The following GRAMD4 variants were observed in gnomAD, a reference collection of about 807,000 sequenced individuals.
The protein encoded by GRAMD4 is GRAM domain containing 4, also known as GRAM domain-containing protein 4.
In GRAMD4, 25 loss-of-function variants were observed where a neutral mutation model predicts 83.9. The observed-to-expected ratio is 0.30, with a 90% CI of 0.22 to 0.42. The LOEUF is 0.42. Among genes scored for constraint, GRAMD4 ranks in the 10% least tolerant of loss-of-function variants. The pLI is 1.00. For synonymous variants in GRAMD4, 336 were observed against 320.9 expected (o/e 1.05, Z -0.50); for missense variants, 593 against 788.7 (o/e 0.75, Z 2.97).
At chr22:46,591,690 G>A (rs1042530527) in intron 1 of GRAMD4, among the ~76,000 whole-genome samples, 2 of 152,052 alleles carry the variant, frequency 1.3e-5, no homozygotes, top group East Asian at 1.9e-4. Context: ...AAAATTAGCC[G>A]GGTGTGGTGG....
chr22:46,677,041 G>C, intron 18 of GRAMD4, 106 bp from the exon 19 acceptor site: 2 of 1,337,236 alleles, frequency 1.5e-6, no homozygotes, highest in Middle Eastern at 4.2e-4. Context: ...CCAGACCCAC[G>C]TGACTAGCGT....
chr22:46,660,915 G>A (rs1005844577), intron 4 of GRAMD4, among the ~76,000 whole-genome samples: 14 of 152,222 alleles, frequency 9.2e-5, no homozygotes, highest in African/African-American at 3.4e-4. Context: ...CCTAGTGGCC[G>A]TCTAGTGCCC....
chr22:46,649,745 G>A (rs933975137), intron 3 of GRAMD4, among the ~76,000 whole-genome samples: 6 of 152,190 alleles, frequency 3.9e-5, no homozygotes, highest in Non-Finnish European at 8.8e-5. Flanking sequence ...AAATGACACC[G>A]CAATAAATAA....
intron 1 of GRAMD4, chr22:46,577,350 C>G (rs1462230111): frequency 7.2e-6 from 7 of 971,534 alleles, no homozygotes; most frequent in East Asian, 1.1e-4. Context: ...ACCACTCTCC[C>G]TTTTGGGCTG....
In GRAMD4 at chr22:46,672,478, G is replaced by A. The variant is rs1366649333; in HGVS notation, c.1085-365G>A. Among the ~76,000 whole-genome samples the A allele has an allele frequency of 6.6e-6, 1 of 151,956 alleles. No homozygotes were observed. The highest frequency in any genetic ancestry group is 1.5e-5 in the Non-Finnish European group (1 of 67,998). ...TCAGGTGTGGGGAATTGGGGCAGAG[G>A]AGGCACAGTCCTGAAGTGTTTCAGG... On this transcript the variant is annotated intron_variant, in intron 13 of 18. Transcript: ENST00000406902. The surrounding 1 kb of genome is among the most constrained non-coding windows in gnomAD (Gnocchi z 4.7).
At chr22:46,603,321 C>T (rs1226449102) in intron 1 of GRAMD4, among the ~76,000 whole-genome samples, 1 of 149,510 alleles carries the variant, frequency 6.7e-6, no homozygotes, top group Non-Finnish European at 1.5e-5. Flanking sequence ...CATTCTCCTG[C>T]CTCAGCCTCC....
chr22:46,668,754 G>A (rs779188820), intron 12 of GRAMD4, 22 bp downstream of exon 12: 11 of 1,583,354 alleles, frequency 6.9e-6, no homozygotes, highest in East Asian at 2.3e-5. Flanking sequence ...CCCCCACCCC[G>A]GCCCTGCGGC....
At position 46,668,542 on chromosome 22, in the gene GRAMD4, C is replaced by T. The variant is rs1263441757; in HGVS notation, c.931-147C>T. 7 of 790,136 alleles carry T rather than the reference C, an allele frequency of 8.9e-6. No individual in the cohort carries two copies. In the African/African-American group the frequency reaches 1.2e-4, roughly 13 times the overall value. 48.9% of individuals were successfully genotyped at this position (790,136 alleles called of 1,614,324 possible). ...ACCTCTGCCCTAGACCAGAGCTGGG[C>T]CTTCCCCGGCCTAGGAGCAGCCGGG... is the stretch of plus-strand genomic sequence containing the variant. On this transcript the variant is annotated intron_variant, in intron 11 of 18. Transcript: ENST00000406902.
intron 4 of GRAMD4, among the ~76,000 whole-genome samples, chr22:46,660,591 A>C (rs2082312385): frequency 6.6e-6 from 1 of 152,200 alleles, no homozygotes; most frequent in African/African-American, 2.4e-5. Context: ...TTTTAAGAAA[A>C]TTCTCAGAAA....
At chr22:46,641,142 G>A (rs562020748) in intron 3 of GRAMD4, among the ~76,000 whole-genome samples, 34 of 152,190 alleles carry the variant, frequency 2.2e-4, no homozygotes, top group African/African-American at 7.5e-4. Flanking sequence ...GTGCGATCTC[G>A]GCTCACTGTA....
At chr22:46,629,598 C>T (rs1188653429) in intron 2 of GRAMD4, among the ~76,000 whole-genome samples, 1 of 152,154 alleles carries the variant, frequency 6.6e-6, no homozygotes, top group Non-Finnish European at 1.5e-5. Flanking sequence ...ATCCTGAGAC[C>T]TGGGCTCAGG....
At position 46,673,830 on chromosome 22, in the gene GRAMD4, G is replaced by T; in HGVS notation, c.1384+16G>T. 3.7e-6 allele frequency: 6 copies of T among 1,612,302 alleles called. No homozygotes were observed. The highest frequency in any genetic ancestry group is 5.1e-6 in the Non-Finnish European group (6 of 1,179,772). On this transcript the variant is annotated intron_variant, in intron 15 of 18. Coordinates refer to ENST00000406902, the MANE Select transcript of GRAMD4 (RefSeq NM_015124.5). The stretch of plus-strand genomic sequence containing the variant: ...CCGCTGGCGGGTATGTGTGCCGTGA[G>T]TCTGAGGCCAGGCCGAGCGCCGACA...
At chr22:46,616,868 CCG>C (rs1569263254), upstream of GRAMD4, among the ~76,000 whole-genome samples, 5 of 20,366 alleles carry the variant, frequency 2.5e-4, 2 homozygotes, top group African/African-American at 6.2e-4. Flanking sequence ...GTAGGTTCCC[CCG>C]TGTGTAGGTT....
intron 3 of GRAMD4, among the ~76,000 whole-genome samples, chr22:46,654,057 G>T (rs1323871995): frequency 2.0e-5 from 3 of 152,190 alleles, no homozygotes; most frequent in African/African-American, 7.2e-5. Context: ...CGGGGCATTT[G>T]GTTCCTTCCT....
At chr22:46,601,863 G>A (rs1463236002) in intron 1 of GRAMD4, among the ~76,000 whole-genome samples, 2 of 152,254 alleles carry the variant, frequency 1.3e-5, no homozygotes, top group Middle Eastern at 3.4e-3. Flanking sequence ...TCAGGATTCC[G>A]AACTCACCAT....
chr22:46,665,510 G>A, intron 8 of GRAMD4, 105 bp from the exon 9 acceptor site: 2 of 645,118 alleles, frequency 3.1e-6, no homozygotes, highest in Admixed American at 4.5e-5. Context: ...CCAGCGGGTG[G>A]CCTGGTCTCC....
intron 1 of GRAMD4, among the ~76,000 whole-genome samples, chr22:46,607,233 A>G (rs537254454): frequency 2.6e-4 from 40 of 152,092 alleles, no homozygotes; most frequent in Middle Eastern, 3.4e-3. Context: ...ATTAGGAGAA[A>G]TACCTAATGT....
rs770155543 is a variant in GRAMD4 at position 46,666,856 on chromosome 22, G to C, written c.841G>C (p.Glu281Gln). ...GWRIQWSIVP[E>Q]VSEPVEPPKE... ...GCGGATACAGTGGAGCATCGTGCCC[G>C]AAGTGTCTGAGCCCGTGGTAAGTCC... Residue 281 changes from glutamate (E) to glutamine (Q), a missense_variant, in exon 10 of 19, where the codon GAA becomes CAA. Coordinates refer to ENST00000406902, the MANE Select transcript of GRAMD4 (RefSeq NM_015124.5). The C allele has an allele frequency of 1.2e-6, 2 of 1,603,068 alleles. No homozygotes were observed. Among genetic ancestry groups the C allele is most frequent in the East Asian group, 2.3e-5 (1 of 44,168 alleles).
chr22:46,643,160 C>G (rs1601620014), intron 3 of GRAMD4, among the ~76,000 whole-genome samples: 3 of 151,236 alleles, frequency 2.0e-5, no homozygotes, highest in East Asian at 2.0e-4. Flanking sequence ...TCCATCCATC[C>G]ATCCATCCAT....
Sources: gnomAD v4.1 joint callset for allele counts (sites outside exome capture counted in the v4.1 genomes callset) on GRCh38, gnomAD v4.1.1 for gene constraint, Gnocchi (gnomAD v3.1) non-coding constraint, MANE v1.5 for transcripts, NCBI Gene and HGNC (gene_info 2026-07-23, HGNC 2026-07-21) for gene names.